Variants in DNAJC1 observed in about 807,000 individuals in gnomAD.
DNAJC1 encodes the protein dnaJ homolog subfamily C member 1.
Under a neutral mutation model 76.6 loss-of-function variants are expected in DNAJC1, and 58 were observed. The observed-to-expected ratio is 0.76, with a 90% CI of 0.61 to 0.94. DNAJC1 has a LOEUF of 0.94. DNAJC1 is among the 40% of genes least tolerant of loss of function. The probability of loss-of-function intolerance (pLI) is 0.00; values close to 1 mark genes in which losing one functional copy is unlikely to be tolerated. For synonymous variants in DNAJC1, 258 were observed against 267.9 expected (o/e 0.96, Z 0.36); for missense variants, 689 against 677.3 (o/e 1.02, Z -0.19).
chr10:21,872,811 A>T (rs77219229), intron 8 of DNAJC1, among the ~76,000 whole-genome samples: 1 of 152,164 alleles, frequency 6.6e-6, no homozygotes, highest in African/African-American at 2.4e-5. Flanking sequence ...AAGCTCAATG[A>T]ACTCCAAGCA....
At chr10:21,791,526 A>G (rs1834686988) in intron 9 of DNAJC1, among the ~76,000 whole-genome samples, 1 of 152,240 alleles carries the variant, frequency 6.6e-6, no homozygotes, top group Non-Finnish European at 1.5e-5. Flanking sequence ...TTTAAAAAGT[A>G]GAAATCATAT....
intron 8 of DNAJC1, among the ~76,000 whole-genome samples, chr10:21,819,289 T>C (rs1253692226): frequency 1.3e-5 from 2 of 151,804 alleles, no homozygotes; most frequent in East Asian, 3.9e-4. Context: ...TAGTCCCAGC[T>C]ACCTGGGAAG....
chr10:21,867,839 A>C (rs186878052), intron 8 of DNAJC1, among the ~76,000 whole-genome samples: 3 of 152,088 alleles, frequency 2.0e-5, no homozygotes, highest in African/African-American at 7.2e-5. Flanking sequence ...TGGGAGGCCG[A>C]GGCGGGCAGA....
At chr10:21,781,474 C>A (rs1834526556) in intron 9 of DNAJC1, among the ~76,000 whole-genome samples, 1 of 152,198 alleles carries the variant, frequency 6.6e-6, no homozygotes, top group Admixed American at 6.5e-5. Context: ...GTAATCCCAG[C>A]ACTTTGGGAG....
chr10:21,762,493 C>T (rs936885491), intron 10 of DNAJC1, among the ~76,000 whole-genome samples: 13 of 152,206 alleles, frequency 8.5e-5, no homozygotes, highest in Admixed American at 1.3e-4. Context: ...CCACATGTAG[C>T]GTCCTGCTGG....
intron 10 of DNAJC1, among the ~76,000 whole-genome samples, chr10:21,761,688 A>G (rs536082482): frequency 6.6e-6 from 1 of 152,118 alleles, no homozygotes; most frequent in Non-Finnish European, 1.5e-5. Context: ...GAGTGTGTGA[A>G]CGTCTAGAAA....
chr10:21,824,089 G>A (rs1050483215), intron 8 of DNAJC1, among the ~76,000 whole-genome samples: 2 of 152,184 alleles, frequency 1.3e-5, no homozygotes, highest in Non-Finnish European at 1.5e-5. Context: ...TGGTTGATTA[G>A]CAGAATGAAT....
At chr10:21,760,890 T>G (rs1050864875) in intron 10 of DNAJC1, among the ~76,000 whole-genome samples, 1 of 152,198 alleles carries the variant, frequency 6.6e-6, no homozygotes, top group African/African-American at 2.4e-5. Context: ...GAGGCAGTAT[T>G]TTAGGCCAGG....
chr10:21,824,706 CTTTTAT>C (rs1373168251), intron 8 of DNAJC1, among the ~76,000 whole-genome samples: 2 of 152,102 alleles, frequency 1.3e-5, no homozygotes, highest in South Asian at 4.2e-4. Context: ...TGCCCTTATT[CTTTTAT>C]TTTTAATTGT....
chr10:21,978,985 G>C (rs190340224), intron 1 of DNAJC1, among the ~76,000 whole-genome samples: 1 of 151,702 alleles, frequency 6.6e-6, no homozygotes, highest in South Asian at 2.1e-4. Flanking sequence ...TAATTTGAAT[G>C]ATCTTATATA....
At position 21,920,789 on chromosome 10, in the gene DNAJC1, A is replaced by G. The variant is rs1385253219; in HGVS notation, c.537+9T>C. On this transcript the variant is annotated intron_variant, in intron 4 of 11. Transcript: ENST00000376980. ...AGGCTAGTTCATTTGATTTATTACT[A>G]ACACTTACCAGTTGTTTTTCCAGGT... 6.2e-7 allele frequency: 1 copy of G among 1,601,668 alleles called. No homozygotes were observed. The highest frequency in any genetic ancestry group is 1.7e-5 in the Admixed American group (1 of 58,252).
At chr10:21,979,002 GT>G (rs911385523) in intron 1 of DNAJC1, among the ~76,000 whole-genome samples, 1 of 151,658 alleles carries the variant, frequency 6.6e-6, no homozygotes, top group African/African-American at 2.4e-5. Flanking sequence ...TATACAATTA[GT>G]AAACAGCGGA....
chr10:21,959,300 G>A (rs1234396269), intron 1 of DNAJC1, among the ~76,000 whole-genome samples: 1 of 151,358 alleles, frequency 6.6e-6, no homozygotes, highest in Non-Finnish European at 1.5e-5. Flanking sequence ...AATTTTTTTT[G>A]TATTTTTAAT....
intron 9 of DNAJC1, among the ~76,000 whole-genome samples, chr10:21,786,463 T>TATATATAGAGAG (rs1332368009): frequency 4.3e-5 from 1 of 23,406 alleles, no homozygotes. Flanking sequence ...TATATATATA[T>TATATATAGAGAG]AGAGAGAGAG....
chr10:21,973,665 T>C (rs1048147818), intron 1 of DNAJC1, among the ~76,000 whole-genome samples: 1 of 152,004 alleles, frequency 6.6e-6, no homozygotes, highest in Non-Finnish European at 1.5e-5. Flanking sequence ...GTGAAAAACC[T>C]GAATGTGCAT....
Position 21,919,887 on chromosome 10 carries a change from T to C in DNAJC1, c.580A>G (p.Thr194Ala). ...SRKKREKKKK[T>A]GSKSVDVSKL... ...GATACATCCACACTCTTGCTGCCAG[T>C]CTTTTTTTTCTTTTCTCTCTTTTTT... Residue 194 changes from threonine (T) to alanine (A), a missense_variant, in exon 5 of 12, where the codon ACT becomes GCT. Coordinates refer to ENST00000376980, the MANE Select transcript of DNAJC1 (RefSeq NM_022365.4). 2 of 1,608,234 alleles carry C rather than the reference T, an allele frequency of 1.2e-6. No homozygotes were observed. Among genetic ancestry groups the C allele is most frequent in the Non-Finnish European group, 8.5e-7 (1 of 1,178,496 alleles).
intron 1 of DNAJC1, among the ~76,000 whole-genome samples, chr10:21,999,950 T>C (rs572947780): frequency 6.6e-6 from 1 of 152,306 alleles, no homozygotes; most frequent in South Asian, 2.1e-4. Context: ...ACCAATTGCC[T>C]ACATACCAGC....
intron 8 of DNAJC1, among the ~76,000 whole-genome samples, chr10:21,880,328 T>C (rs781496800): frequency 1.3e-5 from 2 of 152,242 alleles, no homozygotes; most frequent in Non-Finnish European, 2.9e-5. Context: ...CCTCTTCCCA[T>C]CAATCATGAA....
chr10:21,766,771 G>C (rs1219418844), intron 9 of DNAJC1, among the ~76,000 whole-genome samples: 2 of 152,048 alleles, frequency 1.3e-5, no homozygotes, highest in African/African-American at 4.8e-5. Context: ...AGGAGTTCAA[G>C]ACCAGCCTGT....
Sources: gnomAD v4.1 joint callset for allele counts (sites outside exome capture counted in the v4.1 genomes callset) on GRCh38, gnomAD v4.1.1 for gene constraint, MANE v1.5 for transcripts, NCBI Gene and HGNC (gene_info 2026-07-23, HGNC 2026-07-21) for gene names.